TBC1D5: variants seen among roughly 807,000 people sequenced by gnomAD.
TBC1D5 encodes the protein TBC1 domain family, member 5.
In TBC1D5, 75 loss-of-function variants were observed where a neutral mutation model predicts 100.3. The observed-to-expected ratio is 0.75, with a 90% confidence interval of 0.62 to 0.91. The LOEUF is 0.91. TBC1D5 is among the 40% of genes least tolerant of loss of function. The pLI is 0.00. For missense variants in TBC1D5, 910 were observed against 942.4 expected, an observed-to-expected ratio of 0.97 and a Z score of 0.45; for synonymous variants, 323 against 325.6, an observed-to-expected ratio of 0.99 and a Z score of 0.09.
chr3:17,223,101 A>C (rs111606186), intron 17 of TBC1D5, among the ~76,000 whole-genome samples: 42 of 152,320 alleles, frequency 2.8e-4, no homozygotes, highest in African/African-American at 9.6e-4. Flanking sequence ...GTAAAATTCT[A>C]TCAAAATCTG....
At chr3:17,722,649 A>G (rs768962398) in intron 1 of TBC1D5, among the ~76,000 whole-genome samples, 12 of 152,350 alleles carry the variant, frequency 7.9e-5, no homozygotes, top group Middle Eastern at 3.4e-3. Flanking sequence ...TTTTACAAAC[A>G]TAACTGCAAT....
chr3:17,569,245 A>T lies in TBC1D5; in HGVS notation c.-36+54604T>A, dbSNP rs543949372. ...GACATACAAAATCTGGCTGGTTCAC[A>T]TTTAAGCATCATGGTTCTTTTCTAA... On this transcript the variant is annotated intron_variant, in intron 2 of 21. Coordinates refer to ENST00000253692, the Ensembl canonical transcript of TBC1D5. Among the ~76,000 whole-genome samples, 3 of 152,014 alleles carry T rather than the reference A, an allele frequency of 2.0e-5. No homozygotes were observed. The East Asian group carries it at 5.8e-4, about 29-fold the overall frequency.
intron 3 of TBC1D5, among the ~76,000 whole-genome samples, chr3:17,488,868 C>G (rs915615111): frequency 6.6e-6 from 1 of 151,134 alleles, no homozygotes. Context: ...TCCGTCAGAT[C>G]TGATGTGGCA....
At chr3:17,579,557 T>A (rs946179750) in intron 2 of TBC1D5, among the ~76,000 whole-genome samples, 2 of 152,034 alleles carry the variant, frequency 1.3e-5, no homozygotes, top group Non-Finnish European at 2.9e-5. Flanking sequence ...TGAAACAAAT[T>A]TTGTATTTCC....
rs188735848 is a variant in TBC1D5, at chr3:17,181,905, T to G, written c.1852+3204A>C. ...TTAACATTTTAATCTTTATAAAGAT[T>G]GAATTATATTATACTATATTATATT... On this transcript the variant is annotated intron_variant, in intron 19 of 21. Coordinates refer to ENST00000253692, the Ensembl canonical transcript of TBC1D5. Among the ~76,000 whole-genome samples, 472 of 152,328 alleles carry G rather than the reference T, an allele frequency of 3.1e-3. 2 individuals are homozygous for G. Among genetic ancestry groups the G allele is most frequent in the African/African-American group, 0.01 (417 of 41,568 alleles).
chr3:17,249,428 G>GC (rs2077006461), intron 16 of TBC1D5, among the ~76,000 whole-genome samples: 1 of 152,174 alleles, frequency 6.6e-6, no homozygotes, highest in Non-Finnish European at 1.5e-5. Flanking sequence ...GTTTGAATAT[G>GC]TTTTCCCTCC....
At chr3:17,683,017 T>C (rs1232921714) in intron 1 of TBC1D5, among the ~76,000 whole-genome samples, 1 of 151,466 alleles carries the variant, frequency 6.6e-6, no homozygotes, top group Non-Finnish European at 1.5e-5. Flanking sequence ...TGGAAAGATC[T>C]TTTCCTCTTA....
intron 1 of TBC1D5, among the ~76,000 whole-genome samples, chr3:17,703,513 G>A (rs1240570645): frequency 6.6e-6 from 1 of 151,816 alleles, no homozygotes; most frequent in Non-Finnish European, 1.5e-5. Context: ...AAGCCACAAA[G>A]CCAAAATTCT....
At chr3:17,540,674 C>T (rs902728144) in intron 2 of TBC1D5, among the ~76,000 whole-genome samples, 6 of 151,718 alleles carry the variant, frequency 4.0e-5, no homozygotes, top group African/African-American at 1.2e-4. Context: ...CTTGGGAGGC[C>T]GAGGCGGGCA....
chr3:17,630,905 G>A (rs559562573), intron 1 of TBC1D5, among the ~76,000 whole-genome samples: 1 of 151,216 alleles, frequency 6.6e-6, no homozygotes, highest in South Asian at 2.1e-4. Flanking sequence ...ATAGCCGGGT[G>A]TGGTTGCGGG....
intron 18 of TBC1D5, among the ~76,000 whole-genome samples, chr3:17,198,929 G>T (rs993066634): frequency 6.6e-6 from 1 of 152,218 alleles, no homozygotes; most frequent in African/African-American, 2.4e-5. Context: ...GTATGGTCGG[G>T]AATGGGAAGT....
chr3:17,490,326 G>A lies in TBC1D5; in HGVS notation c.97+18148C>T, dbSNP rs536336991. On this transcript the variant is annotated intron_variant, in intron 3 of 21. Transcript: ENST00000253692. ...TGATAGTTTCTTCTGCTGTGCAGAA[G>A]CTCTTTATTTTAATTAGATCCCATT... Among the ~76,000 whole-genome samples, 101 of 152,196 alleles carry A rather than the reference G, an allele frequency of 6.6e-4. 1 individual carries two copies. The highest frequency in any genetic ancestry group is 2.3e-3 in the African/African-American group (96 of 41,552).
intron 3 of TBC1D5, among the ~76,000 whole-genome samples, chr3:17,500,843 T>C (rs2095778770): frequency 6.7e-6 from 1 of 149,536 alleles, no homozygotes; most frequent in Non-Finnish European, 1.5e-5. Context: ...ATACCTTGAA[T>C]TGGCATTTCT....
chr3:17,609,410 A>G (rs1470452624), intron 2 of TBC1D5, among the ~76,000 whole-genome samples: 3 of 152,278 alleles, frequency 2.0e-5, no homozygotes, highest in East Asian at 3.9e-4. Flanking sequence ...ATACTCCTTG[A>G]TTACACTGTA....
rs531066835 is a variant in TBC1D5 at position 17,612,579 on chromosome 3, G to A, written c.-36+11270C>T. On this transcript the variant is annotated intron_variant, in intron 2 of 21. Coordinates refer to ENST00000253692, the Ensembl canonical transcript of TBC1D5. ...CGGGAGGCAGAGGTAGCAGTGAGCCGAGATCGCACCACTTCACTCAAGCCT... is the reference window on the plus strand; with the variant it reads ...CGGGAGGCAGAGGTAGCAGTGAGCCAAGATCGCACCACTTCACTCAAGCCT... Among the ~76,000 whole-genome samples the A allele has an allele frequency of 4.6e-5, 7 of 151,524 alleles. No individual in the cohort carries two copies. The South Asian group carries it at 1.0e-3, about 23-fold the overall frequency.
intron 8 of TBC1D5, among the ~76,000 whole-genome samples, chr3:17,385,322 T>C: frequency 6.6e-6 from 1 of 151,716 alleles, no homozygotes; most frequent in East Asian, 1.9e-4. Context: ...TGTGAGAGAG[T>C]AGAGAGGAAG....
At chr3:17,619,428 A>C (rs888221344) in intron 2 of TBC1D5, among the ~76,000 whole-genome samples, 13 of 152,390 alleles carry the variant, frequency 8.5e-5, no homozygotes, top group African/African-American at 3.1e-4. Flanking sequence ...CAGGCAGAAC[A>C]GTGCAAATGA....
chr3:17,348,052 AC>A (rs1347713567), intron 13 of TBC1D5, among the ~76,000 whole-genome samples: 1 of 152,296 alleles, frequency 6.6e-6, no homozygotes, highest in African/African-American at 2.4e-5. Flanking sequence ...CCTCATACTT[AC>A]AATATCATCT....
At chr3:17,300,568 T>C (rs1295069617) in intron 14 of TBC1D5, among the ~76,000 whole-genome samples, 3 of 152,018 alleles carry the variant, frequency 2.0e-5, no homozygotes, top group Admixed American at 2.0e-4. Context: ...AGGCCACAAC[T>C]GCCATGCCAT....
Sources: allele counts gnomAD v4.1 joint callset (sites outside exome capture counted in the v4.1 genomes callset), GRCh38; gene constraint gnomAD v4.1.1; transcripts MANE v1.5; gene names NCBI Gene and HGNC (gene_info 2026-07-23, HGNC 2026-07-21).